Variants in SLC8A3 observed in about 807,000 individuals in gnomAD.
SLC8A3 encodes sodium/calcium exchanger 3.
A neutral mutation model predicts 65.4 loss-of-function variants in SLC8A3; 37 were observed. The ratio of observed to expected loss-of-function variants is 0.57; its 90% CI spans 0.44 to 0.74. The LOEUF is 0.74. Among genes scored for constraint, SLC8A3 ranks in the 30% least tolerant of loss-of-function variants. The probability of loss-of-function intolerance (pLI) is 0.00; values close to 1 mark genes in which losing one functional copy is unlikely to be tolerated. For synonymous variants in SLC8A3, 461 were observed against 444.5 expected (o/e 1.04, Z -0.47); for missense variants, 1,112 against 1,172.1 (o/e 0.95, Z 0.75).
rs769475406 is a variant in SLC8A3 at position 70,046,052 on chromosome 14, G to A, written c.2661C>T (p.Gly887=). The A allele has an allele frequency of 6.2e-7, 1 of 1,613,940 alleles. No homozygotes were observed. Among genetic ancestry groups the A allele is most frequent in the Non-Finnish European group, 8.5e-7 (1 of 1,179,978 alleles). ...TTGTGGCGAGCTTGCAGCCACGGGG[G>A]CCACCAAGCTCCCCTCCCAGGTGCG... The part of the protein sequence containing the change: ...RRPHLGGELG[G]PRGCKLATTW... Residue 887 remains glycine, a synonymous_variant, in exon 7 of 7, where the codon GGC becomes GGT. Transcript: ENST00000356921. This position sits in a 1 kb window ranked among gnomAD's most constrained non-coding sequence, Gnocchi z 4.2.
intron 1 of SLC8A3, among the ~76,000 whole-genome samples, chr14:70,186,267 C>T (rs183115253): frequency 9.2e-5 from 14 of 152,288 alleles, no homozygotes; most frequent in Admixed American, 9.1e-4. Flanking sequence ...CCTAAGGCCT[C>T]CCCAGCCCTG....
At position 70,119,203 on chromosome 14, in the gene SLC8A3, G is replaced by C. The variant is rs191042456; in HGVS notation, c.1784+47436C>G. ...AGAAGCACTCTTTTCCCCCCACCCTGGTGGCAAAAGTACTATACAAAATAA... is the reference window on the plus strand; with the variant it reads ...AGAAGCACTCTTTTCCCCCCACCCTCGTGGCAAAAGTACTATACAAAATAA... On this transcript the variant is annotated intron_variant, in intron 2 of 6. Transcript: ENST00000356921. 5.1e-4 allele frequency among the ~76,000 whole-genome samples: 78 copies of C among 151,890 alleles called. No individual in the cohort carries two copies. In the East Asian group the frequency reaches 0.014, roughly 28 times the overall value.
intron 2 of SLC8A3, among the ~76,000 whole-genome samples, chr14:70,086,677 A>G (rs1484125813): frequency 6.6e-6 from 1 of 151,060 alleles, no homozygotes; most frequent in African/African-American, 2.4e-5. Context: ...GTGCTGAGCC[A>G]CTGCACTTGG....
intron 1 of SLC8A3, among the ~76,000 whole-genome samples, chr14:70,169,917 G>T (rs1239170292): frequency 1.3e-5 from 2 of 152,028 alleles, no homozygotes; most frequent in African/African-American, 4.8e-5. Flanking sequence ...TCTCTCTTCT[G>T]TCCCTTATCC....
At chr14:70,056,637 G>C (rs1888150910) in intron 3 of SLC8A3, among the ~76,000 whole-genome samples, 2 of 152,134 alleles carry the variant, frequency 1.3e-5, no homozygotes, top group South Asian at 2.1e-4. Flanking sequence ...TTTGGCAACT[G>C]TCTTTTCCAT....
At chr14:70,166,580 C>CAGAA (rs1897171357) in intron 2 of SLC8A3, 59 bp downstream of exon 2, 4 of 1,001,110 alleles carry the variant, frequency 4.0e-6, no homozygotes, top group Admixed American at 2.3e-5. Flanking sequence ...TACAGAAAGA[C>CAGAA]AGAAAGAGAT....
At chr14:70,105,367 TTG>T (rs1167252903) in intron 2 of SLC8A3, among the ~76,000 whole-genome samples, 1 of 151,940 alleles carries the variant, frequency 6.6e-6, no homozygotes, top group East Asian at 1.9e-4. Context: ...CAAAATAAAA[TTG>T]GTAAACCTCT....
chr14:70,048,873 C>T lies in SLC8A3; in HGVS notation c.2283G>A (p.Met761Ile), dbSNP rs115578188. 6.2e-7 allele frequency: 1 copy of T among 1,614,128 alleles called. No individual in the cohort carries two copies. Among genetic ancestry groups the T allele is most frequent in the African/African-American group, 1.3e-5 (1 of 75,056 alleles). ...CFAVSILIIGMLTAIIGDLAS... is the reference protein window; with the variant it reads ...CFAVSILIIGILTAIIGDLAS... ...CCAGGTCCCCAATGATGGCGGTGAGCATGCCAATGATGAGGATGGAGACGG... is the reference window on the plus strand; with the variant it reads ...CCAGGTCCCCAATGATGGCGGTGAGTATGCCAATGATGAGGATGGAGACGG... Residue 761 changes from methionine to isoleucine, a missense_variant, in exon 6 of 7, where the codon ATG (methionine) becomes ATA (isoleucine). By Grantham distance (10) the Met-to-Ile change is conservative (BLOSUM62 1). Coordinates refer to ENST00000356921, the MANE Select transcript of SLC8A3 (RefSeq NM_182932.3).
At chr14:70,160,494 C>A (rs750678389) in intron 2 of SLC8A3, among the ~76,000 whole-genome samples, 2 of 152,024 alleles carry the variant, frequency 1.3e-5, no homozygotes, top group African/African-American at 2.4e-5. Flanking sequence ...AAATACTGTG[C>A]CATTTTATAC....
chr14:70,179,216 C>T (rs1392230018), intron 1 of SLC8A3, among the ~76,000 whole-genome samples: 1 of 152,200 alleles, frequency 6.6e-6, no homozygotes, highest in Non-Finnish European at 1.5e-5. Context: ...CCCCGCCCAT[C>T]TTATCTAAAG....
intron 2 of SLC8A3, chr14:70,080,281 G>A: frequency 2.0e-6 from 2 of 977,670 alleles, no homozygotes; most frequent in Non-Finnish European, 2.4e-6. Flanking sequence ...GGGGAGGGGA[G>A]GGGAAGGACA....
chr14:70,072,933 C>T (rs1463524021), intron 2 of SLC8A3, among the ~76,000 whole-genome samples: 1 of 152,222 alleles, frequency 6.6e-6, no homozygotes, highest in African/African-American at 2.4e-5. Context: ...CAGGCATGAG[C>T]TACCATGCCT....
At chr14:70,160,364 G>A (rs544084056) in intron 2 of SLC8A3, among the ~76,000 whole-genome samples, 1 of 152,292 alleles carries the variant, frequency 6.6e-6, no homozygotes, top group South Asian at 2.1e-4. Flanking sequence ...AGAATTGCTT[G>A]AACCTGGGAG....
intron 2 of SLC8A3, among the ~76,000 whole-genome samples, chr14:70,081,839 G>T (rs1594953004): frequency 6.6e-6 from 1 of 152,192 alleles, no homozygotes; most frequent in Admixed American, 6.5e-5. Flanking sequence ...TCATCAAAGG[G>T]TTGAAAGAAC....
intron 3 of SLC8A3, chr14:70,055,853 AGG>A: frequency 6.3e-7 from 1 of 1,590,772 alleles, no homozygotes; most frequent in East Asian, 2.2e-5. Flanking sequence ...AAGAAAGAAA[AGG>A]AAAGAGCATT....
intron 2 of SLC8A3, among the ~76,000 whole-genome samples, chr14:70,088,101 G>A (rs571991518): frequency 1.1e-3 from 162 of 152,284 alleles, no homozygotes; most frequent in African/African-American, 1.7e-3. Context: ...GGTAAGTGAG[G>A]GGCAGAGATT....
intron 2 of SLC8A3, among the ~76,000 whole-genome samples, chr14:70,065,614 C>T (rs934135802): frequency 1.3e-5 from 2 of 152,164 alleles, no homozygotes; most frequent in Admixed American, 1.3e-4. Flanking sequence ...ATAGCACCTA[C>T]TTTGTGATGT....
At chr14:70,085,298 T>C (rs1332257912) in intron 2 of SLC8A3, among the ~76,000 whole-genome samples, 1 of 152,196 alleles carries the variant, frequency 6.6e-6, no homozygotes, top group African/African-American at 2.4e-5. Flanking sequence ...TATATAGGAA[T>C]AGTAATAATT....
chr14:70,174,617 C>T (rs1897750727), intron 1 of SLC8A3, among the ~76,000 whole-genome samples: 1 of 134,174 alleles, frequency 7.5e-6, no homozygotes, highest in South Asian at 2.5e-4. Flanking sequence ...AGCCTACATT[C>T]TGGATTTACC....
Sources: allele counts gnomAD v4.1 joint callset (sites outside exome capture counted in the v4.1 genomes callset), GRCh38; gene constraint gnomAD v4.1.1; non-coding constraint Gnocchi (gnomAD v3.1); transcripts MANE v1.5; gene names NCBI Gene and HGNC (gene_info 2026-07-23, HGNC 2026-07-21).